The following IQGAP1 variants were observed in gnomAD, a reference collection of about 807,000 sequenced individuals.
IQGAP1 encodes ras GTPase-activating-like protein IQGAP1.
A neutral mutation model predicts 215.6 loss-of-function variants in IQGAP1; 66 were observed. The ratio of observed to expected loss-of-function variants is 0.31; its 90% CI spans 0.25 to 0.38. The LOEUF (loss-of-function observed/expected upper bound fraction) is 0.38, where lower values mean the gene tolerates loss of function less well. Among genes scored for constraint, IQGAP1 ranks in the 10% least tolerant of loss-of-function variants. IQGAP1 has a pLI of 1.00. For missense variants in IQGAP1, 1,712 were observed against 1,997.1 expected, an observed-to-expected ratio of 0.86 and a Z score of 2.72; for synonymous variants, 772 against 728.7, an observed-to-expected ratio of 1.06 and a Z score of -0.96.
At chr15:90,416,057 A>G (rs1450464627) in intron 2 of IQGAP1, among the ~76,000 whole-genome samples, 7 of 151,962 alleles carry the variant, frequency 4.6e-5, no homozygotes, top group Non-Finnish European at 8.8e-5. Flanking sequence ...TCCAGGGTAC[A>G]TGTGCACAAC....
chr15:90,487,165 G>A, intron 32 of IQGAP1, 76 bp downstream of exon 32: 1 of 1,452,924 alleles, frequency 6.9e-7, no homozygotes, highest in South Asian at 1.2e-5. Flanking sequence ...AACCTGCTGG[G>A]TCCTACCTGA....
intron 35 of IQGAP1, chr15:90,494,439 G>A (rs1018330945): frequency 2.9e-5 from 6 of 208,812 alleles, no homozygotes; most frequent in Non-Finnish European, 4.8e-5. Flanking sequence ...TAAGTTCCCA[G>A]AAGGACATGG....
chr15:90,454,733 G>T (rs1028761500), intron 14 of IQGAP1, among the ~76,000 whole-genome samples, 181 bp downstream of exon 14: 1 of 152,194 alleles, frequency 6.6e-6, no homozygotes, highest in Non-Finnish European at 1.5e-5. Context: ...CTATAATTAG[G>T]TATATGTCCA....
chr15:90,488,770 C>G (rs373601473), intron 33 of IQGAP1, among the ~76,000 whole-genome samples: 2 of 152,066 alleles, frequency 1.3e-5, no homozygotes, highest in South Asian at 4.2e-4. Context: ...AGAGGGCATT[C>G]GAGGCAGGAG....
intron 1 of IQGAP1, among the ~76,000 whole-genome samples, chr15:90,388,771 C>T (rs992271208): frequency 2.0e-5 from 3 of 152,166 alleles, no homozygotes; most frequent in Non-Finnish European, 4.4e-5. Flanking sequence ...GGGCTCTGCC[C>T]GTTTCGTGGA....
At chr15:90,418,010 G>T (rs7171337) in intron 2 of IQGAP1, among the ~76,000 whole-genome samples, 2,180 of 152,108 alleles carry the variant, frequency 0.014, 42 homozygotes, top group African/African-American at 0.05. Context: ...TTCACTATTG[G>T]AAATAGAATT....
intron 2 of IQGAP1, among the ~76,000 whole-genome samples, chr15:90,418,884 C>A (rs80156546): frequency 1.3e-5 from 2 of 151,746 alleles, no homozygotes; most frequent in African/African-American, 2.4e-5. Context: ...TCGTGGCTCA[C>A]GCCTGTAATC....
chr15:90,391,014 T>G, intron 2 of IQGAP1, 141 bp downstream of exon 2: 1 of 598,178 alleles, frequency 1.7e-6, no homozygotes, highest in Non-Finnish European at 3.1e-6. Context: ...TGGGGGGGAA[T>G]CACTTGAACC....
At chr15:90,460,117 A>G (rs534879485) in intron 15 of IQGAP1, among the ~76,000 whole-genome samples, 2 of 146,030 alleles carry the variant, frequency 1.4e-5, no homozygotes, top group South Asian at 4.4e-4. Context: ...CACACAAGAA[A>G]GAATTCAGAG....
chr15:90,476,510 A>G (rs1356090033), intron 23 of IQGAP1, among the ~76,000 whole-genome samples, 153 bp from the exon 24 acceptor site: 1 of 152,228 alleles, frequency 6.6e-6, no homozygotes, highest in African/African-American at 2.4e-5. Context: ...TACTGAAAAC[A>G]GGATAAAGTG....
intron 18 of IQGAP1, among the ~76,000 whole-genome samples, chr15:90,468,139 C>T (rs771127784): frequency 6.6e-6 from 1 of 152,038 alleles, no homozygotes; most frequent in Non-Finnish European, 1.5e-5. Flanking sequence ...GCATTCTCGG[C>T]TCACTGCAAC....
At chr15:90,491,742 A>G in intron 34 of IQGAP1, 197 bp downstream of exon 34, 1 of 573,306 alleles carries the variant, frequency 1.7e-6, no homozygotes, top group South Asian at 2.2e-5. Flanking sequence ...CTAAATTACT[A>G]GGGAGAGGAC....
chr15:90,449,011 A>C (rs1191679977), intron 10 of IQGAP1, among the ~76,000 whole-genome samples: 4 of 152,120 alleles, frequency 2.6e-5, no homozygotes, highest in Admixed American at 2.6e-4. Flanking sequence ...CTCTCTCTCC[A>C]ACTAAAAGAC....
At chr15:90,483,966 T>A (rs559357189) in intron 29 of IQGAP1, among the ~76,000 whole-genome samples, 1 of 152,234 alleles carries the variant, frequency 6.6e-6, no homozygotes, top group Non-Finnish European at 1.5e-5. Context: ...CTCCTAATGG[T>A]GTCTGGAAAC....
intron 2 of IQGAP1, among the ~76,000 whole-genome samples, chr15:90,404,810 AT>A (rs1964855062): frequency 6.6e-6 from 1 of 151,944 alleles, no homozygotes; most frequent in Non-Finnish European, 1.5e-5. Context: ...TGAACTCCTG[AT>A]CTCGGGTGAT....
intron 26 of IQGAP1, among the ~76,000 whole-genome samples, chr15:90,480,661 G>A (rs1966045760): frequency 6.6e-6 from 1 of 152,020 alleles, no homozygotes; most frequent in African/African-American, 2.4e-5. Context: ...CTATCTACTT[G>A]TATTTTTCTT....
At chr15:90,444,714 A>G (rs1342265374) in intron 9 of IQGAP1, among the ~76,000 whole-genome samples, 2 of 152,268 alleles carry the variant, frequency 1.3e-5, no homozygotes, top group Non-Finnish European at 2.9e-5. Flanking sequence ...CACCATGACT[A>G]CTTCATACTT....
intron 5 of IQGAP1, among the ~76,000 whole-genome samples, chr15:90,435,574 C>T (rs1180374774): frequency 6.6e-6 from 1 of 152,178 alleles, no homozygotes; most frequent in Non-Finnish European, 1.5e-5. Context: ...GAGATTTGTC[C>T]ATGTTGATAA....
At position 90,486,139 on chromosome 15, in the gene IQGAP1, T is replaced by A. The variant is rs1966123424; in HGVS notation, c.4024+7T>A. Reference sequence around the variant, plus strand: ...ACCATCGAGTCCCTGATAGGTAGAGTTCTAACTTTTGCCTGGAAGATCAAA... The same window carrying A: ...ACCATCGAGTCCCTGATAGGTAGAGATCTAACTTTTGCCTGGAAGATCAAA... On this transcript the variant is annotated splice_region_variant and intron_variant, in intron 31 of 37. Transcript: ENST00000268182. 1.2e-6 allele frequency: 2 copies of A among 1,601,626 alleles called. No homozygotes were observed. The highest frequency in any genetic ancestry group is 1.7e-6 in the Non-Finnish European group (2 of 1,170,162).
Sources: gnomAD v4.1 joint callset for allele counts (sites outside exome capture counted in the v4.1 genomes callset) on GRCh38, gnomAD v4.1.1 for gene constraint, MANE v1.5 for transcripts, NCBI Gene and HGNC (gene_info 2026-07-23, HGNC 2026-07-21) for gene names.